CHD2: variants seen among roughly 807,000 people sequenced by gnomAD.
CHD2 encodes ATP-dependent chromatin remodeler CHD2.
A neutral mutation model predicts 243.9 loss-of-function variants in CHD2; 28 were observed. The observed-to-expected ratio is 0.11, with a 90% CI of 0.09 to 0.16. The LOEUF (loss-of-function observed/expected upper bound fraction) is 0.16, where lower values mean the gene tolerates loss of function less well. Ranked by LOEUF, CHD2 falls within the 10% of genes least tolerant of loss-of-function variation. CHD2 has a pLI of 1.00. For missense variants in CHD2, 1,386 were observed against 2,209.8 expected, an observed-to-expected ratio of 0.63 and a Z score of 7.47; for synonymous variants, 775 against 779.0, an observed-to-expected ratio of 0.99 and a Z score of 0.09.
chr15:92,930,439 T>C (rs2053145215), intron 5 of CHD2, among the ~76,000 whole-genome samples: 2 of 152,066 alleles, frequency 1.3e-5, no homozygotes, highest in African/African-American at 4.8e-5. Flanking sequence ...CCTTTTTGTT[T>C]TGTTTTGTTT....
chr15:92,929,482 G>A (rs1036963928), intron 5 of CHD2, among the ~76,000 whole-genome samples: 2 of 152,092 alleles, frequency 1.3e-5, no homozygotes, highest in African/African-American at 2.4e-5. Context: ...AATTATATTG[G>A]CTGAACATCC....
intron 7 of CHD2, among the ~76,000 whole-genome samples, chr15:92,941,449 A>G (rs978076262): frequency 1.3e-5 from 2 of 152,154 alleles, no homozygotes; most frequent in Admixed American, 1.3e-4. Flanking sequence ...ATGAAATAGT[A>G]GCAAATTTTT....
intron 37 of CHD2, among the ~76,000 whole-genome samples, chr15:93,016,774 C>T (rs1324443899): frequency 1.4e-4 from 1 of 7,312 alleles, no homozygotes; most frequent in Admixed American, 5.4e-3. Flanking sequence ...AGAGTGAGAC[C>T]GTCTCAAAAA....
chr15:92,916,750 C>T (rs2052844884), intron 2 of CHD2, among the ~76,000 whole-genome samples: 1 of 152,186 alleles, frequency 6.6e-6, no homozygotes, highest in Admixed American at 6.5e-5. Flanking sequence ...GACGGGGTTT[C>T]ACCATGTGGT....
Position 92,942,915 on chromosome 15 carries a change from A to G in CHD2, c.899A>G (p.Lys300Arg). Residue 300 changes from lysine (K) to arginine (R), a missense_variant, in exon 9 of 39, where the codon AAG (lysine) becomes AGG (arginine). Physicochemically the swap from Lys to Arg is conservative, Grantham distance 26. This residue lies in a region of CHD2 where 200 missense variants were observed against 292.5 expected (regional missense o/e 0.68). Transcript: ENST00000394196. ...GDPSGDFDTEKDEGEIQYLIK... is the reference protein window; with the variant it reads ...GDPSGDFDTERDEGEIQYLIK... ...CCTAGTGGTGACTTTGACACTGAAAAGGATGAAGGTGAAATCCAGTACCTC... is the reference window on the plus strand; with the variant it reads ...CCTAGTGGTGACTTTGACACTGAAAGGGATGAAGGTGAAATCCAGTACCTC... 1 of 1,614,068 alleles carries G rather than the reference A, an allele frequency of 6.2e-7. No individual in the cohort carries two copies.
chr15:92,906,664 C>CT (rs66638937), intron 2 of CHD2, among the ~76,000 whole-genome samples: 1,463 of 128,792 alleles, frequency 0.011, 25 homozygotes, highest in African/African-American at 0.034. Context: ...TATGAGCCAT[C>CT]TTTTTTTTTT....
Position 93,005,417 on chromosome 15 carries a change from C to A in CHD2, c.4413+666C>A, listed in dbSNP as rs534247132. Among the ~76,000 whole-genome samples, 27 of 152,208 alleles carry A rather than the reference C, an allele frequency of 1.8e-4. No homozygotes were observed. The South Asian group carries it at 5.6e-3, about 32-fold the overall frequency. On this transcript the variant is annotated intron_variant, in intron 34 of 38. Coordinates refer to ENST00000394196, the MANE Select transcript of CHD2 (RefSeq NM_001271.4). The stretch of plus-strand genomic sequence containing the variant: ...CCAGTGTGTCCTCAAGGTCCCTTTG[C>A]CCCTGGCTGGAGCTGCAGGTATAGA...
intron 37 of CHD2, among the ~76,000 whole-genome samples, chr15:93,015,623 A>G (rs1296285054): frequency 1.3e-5 from 2 of 152,238 alleles, no homozygotes; most frequent in African/African-American, 4.8e-5. Context: ...ATAAGGGGAT[A>G]ATATCCAAAC....
intron 20 of CHD2, among the ~76,000 whole-genome samples, chr15:92,976,030 T>C (rs2053903145): frequency 6.6e-6 from 1 of 152,224 alleles, no homozygotes; most frequent in African/African-American, 2.4e-5. Flanking sequence ...TTAAATTTGG[T>C]AATCAACATA....
chr15:92,921,519 C>T (rs369869762), intron 2 of CHD2: 2 of 152,152 alleles, frequency 1.3e-5, no homozygotes, highest in South Asian at 2.1e-4. Flanking sequence ...AAATCCCTTC[C>T]TTACTTACAA....
In CHD2 at chr15:92,998,917, A is replaced by G. The variant is rs962362797; in HGVS notation, c.4008+296A>G. Among the ~76,000 whole-genome samples the G allele has an allele frequency of 1.3e-5, 2 of 151,912 alleles. No homozygotes were observed. Among genetic ancestry groups the G allele is most frequent in the African/African-American group, 4.8e-5 (2 of 41,344 alleles). On this transcript the variant is annotated intron_variant, in intron 31 of 38. Coordinates refer to ENST00000394196, the MANE Select transcript of CHD2 (RefSeq NM_001271.4). The surrounding 1 kb of genome is among the most constrained non-coding windows in gnomAD (Gnocchi z 5.1). ...GCTAATATGGTGAAACCCCGTCTCT[A>G]CTAAAAATACAAAAAAATTAGCCGG...
intron 12 of CHD2, 199 bp downstream of exon 12, chr15:92,946,415 C>T (rs972684375): frequency 2.2e-5 from 9 of 402,882 alleles, no homozygotes; most frequent in Non-Finnish European, 3.6e-5. Flanking sequence ...TTTAATCTTG[C>T]AATTTACATA....
chr15:92,955,085 A>G (rs1214745350), intron 14 of CHD2, among the ~76,000 whole-genome samples: 2 of 152,166 alleles, frequency 1.3e-5, no homozygotes, highest in African/African-American at 4.8e-5. Flanking sequence ...CATTTTTAAA[A>G]GAAATTTCTA....
At chr15:92,917,901 G>T (rs1194152276) in intron 2 of CHD2, among the ~76,000 whole-genome samples, 1 of 152,194 alleles carries the variant, frequency 6.6e-6, no homozygotes, top group East Asian at 1.9e-4. Context: ...TGTATCACTG[G>T]CAGGAAGTTA....
Position 93,024,236 on chromosome 15 carries a change from A to T in CHD2, c.5154-136A>T, listed in dbSNP as rs908322325. 20 of 750,390 alleles carry T rather than the reference A, an allele frequency of 2.7e-5. No homozygotes were observed. In the African/African-American group the frequency reaches 3.4e-4, roughly 13 times the overall value. 46.5% of individuals were successfully genotyped at this position (750,390 alleles called of 1,614,324 possible). On this transcript the variant is annotated intron_variant, in intron 38 of 38. Coordinates refer to ENST00000394196, the MANE Select transcript of CHD2 (RefSeq NM_001271.4). The stretch of plus-strand genomic sequence containing the variant: ...ATAAGTGTAAAATGACTCTGTTATT[A>T]ATTTTTTTGATTCCTAATAATGTGA...
Position 93,012,431 on chromosome 15 carries a change from C to T in CHD2, c.4679C>T (p.Ser1560Phe), listed in dbSNP as rs2054404637. The change falls in exon 36 of 39, where the codon TCT becomes TTT. Residue 1560 changes from serine to phenylalanine, a missense_variant. This residue lies in a region of CHD2 where 11 missense variants were observed against 47.7 expected (regional missense o/e 0.23). Transcript: ENST00000394196. ...KLYKMAHKKRSQEEEEQKKKD... is the reference protein window; with the variant it reads ...KLYKMAHKKRFQEEEEQKKKD... ...TACAAGATGGCTCATAAGAAAAGGT[C>T]TCAAGAAGAAGAGGTAAAGTACAAA... 1 of 1,599,008 alleles carries T rather than the reference C, an allele frequency of 6.3e-7. No homozygotes were observed. The highest frequency in any genetic ancestry group is 1.3e-5 in the African/African-American group (1 of 74,162).
intron 2 of CHD2, among the ~76,000 whole-genome samples, chr15:92,907,701 A>G (rs530237715): frequency 6.6e-6 from 1 of 152,240 alleles, no homozygotes; most frequent in Non-Finnish European, 1.5e-5. Flanking sequence ...AGATTAAATA[A>G]TATAGTGCCC....
chr15:93,026,615 C>T lies in CHD2; in HGVS notation c.*1910C>T, dbSNP rs1233236864. On this transcript the variant is annotated 3_prime_UTR_variant, in exon 39 of 39. Coordinates refer to ENST00000394196, the MANE Select transcript of CHD2 (RefSeq NM_001271.4). ...GCATGAGCCACCTGGCCACAGTCCT[C>T]CCATGGAGGGCCTGCCGTGACGCTC... The T allele has an allele frequency of 3.3e-5, 5 of 152,308 alleles. No individual in the cohort carries two copies. Among genetic ancestry groups the T allele is most frequent in the African/African-American group, 9.6e-5 (4 of 41,458 alleles). The allele number at this position is 152,308 out of a possible 1,614,324, so 9.4% of individuals were successfully genotyped here. A position where few individuals can be genotyped will look rare whatever the true frequency, so the allele number is the denominator to read the frequency against.
At chr15:93,024,350 A>G (rs2054568275) in intron 38 of CHD2, 22 bp from the exon 39 acceptor site, 2 of 1,600,226 alleles carry the variant, frequency 1.2e-6, no homozygotes, top group African/African-American at 1.3e-5. Context: ...TCTTTCGACT[A>G]ATCCTTGCAT....
Sources: allele counts gnomAD v4.1 joint callset (sites outside exome capture counted in the v4.1 genomes callset), GRCh38; gene constraint gnomAD v4.1.1; regional missense constraint gnomAD v4.1.1; non-coding constraint Gnocchi (gnomAD v3.1); transcripts MANE v1.5; gene names NCBI Gene and HGNC (gene_info 2026-07-23, HGNC 2026-07-21).